Variants in GRID2 observed in about 807,000 individuals in gnomAD.
The protein encoded by GRID2 is glutamate ionotropic receptor delta type subunit 2.
GRID2 carries 33 observed loss-of-function variants against 114.8 expected under a neutral mutation model. That is an observed-to-expected ratio of 0.29 (90% CI 0.22 to 0.38). GRID2 has a LOEUF of 0.38. Among genes scored for constraint, GRID2 ranks in the 10% least tolerant of loss-of-function variants. The pLI is 1.00. For synonymous variants in GRID2, 505 were observed against 449.9 expected, an observed-to-expected ratio of 1.12 and a Z score of -1.55; for missense variants, 1,184 against 1,257.7, an observed-to-expected ratio of 0.94 and a Z score of 0.89.
chr4:92,952,388 A>T (rs1173268652), intron 2 of GRID2, among the ~76,000 whole-genome samples: 1 of 152,194 alleles, frequency 6.6e-6, no homozygotes, highest in Non-Finnish European at 1.5e-5. Flanking sequence ...TCTCTATGAG[A>T]TTGCTTTATT....
At chr4:93,083,055 T>C (rs1425636389) in intron 2 of GRID2, among the ~76,000 whole-genome samples, 1 of 152,176 alleles carries the variant, frequency 6.6e-6, no homozygotes, top group African/African-American at 2.4e-5. Flanking sequence ...AATTTTGTGG[T>C]AGAAGTATGT....
At chr4:93,226,331 T>C (rs1404129141) in intron 7 of GRID2, among the ~76,000 whole-genome samples, 1 of 152,176 alleles carries the variant, frequency 6.6e-6, no homozygotes, top group East Asian at 1.9e-4. Flanking sequence ...TCAAAACTGA[T>C]TATCTACTTC....
At chr4:92,683,038 A>T (rs140547632) in intron 2 of GRID2, among the ~76,000 whole-genome samples, 5 of 152,022 alleles carry the variant, frequency 3.3e-5, no homozygotes, top group East Asian at 3.9e-4. Flanking sequence ...GGTGGCTCAC[A>T]CCTGTAATCC....
chr4:93,268,632 C>T (rs547371339), intron 8 of GRID2, among the ~76,000 whole-genome samples: 41 of 152,212 alleles, frequency 2.7e-4, no homozygotes, highest in Non-Finnish European at 5.4e-4. Flanking sequence ...TGTCTGCCAC[C>T]TCTTACATGT....
intron 2 of GRID2, among the ~76,000 whole-genome samples, chr4:92,730,224 A>G (rs1224100221): frequency 1.3e-5 from 2 of 151,944 alleles, no homozygotes; most frequent in East Asian, 3.9e-4. Context: ...ATAATACCCC[A>G]TATTGTCTAT....
At chr4:93,436,702 A>C (rs1580079833) in intron 10 of GRID2, among the ~76,000 whole-genome samples, 2 of 152,162 alleles carry the variant, frequency 1.3e-5, no homozygotes, top group Non-Finnish European at 2.9e-5. Context: ...ACTACAAACA[A>C]AATGCTAGAA....
intron 13 of GRID2, among the ~76,000 whole-genome samples, chr4:93,572,440 C>G (rs2149581751): frequency 6.6e-6 from 1 of 152,102 alleles, no homozygotes; most frequent in South Asian, 2.1e-4. Context: ...TCTTTTTAGA[C>G]ACATATATAA....
chr4:92,573,341 T>G lies in GRID2; in HGVS notation c.89-16790T>G, dbSNP rs572779744. On this transcript the variant is annotated intron_variant, in intron 1 of 15. Coordinates refer to ENST00000282020, the MANE Select transcript of GRID2 (RefSeq NM_001510.4). ...GTTCTGCTCTGATCTTGATTATTTC[T>G]TATCTTCTGCTAGCATTGGGGTTTG... Among the ~76,000 whole-genome samples the G allele has an allele frequency of 3.3e-5, 5 of 152,348 alleles. No individual in the cohort carries two copies. In the East Asian group the frequency reaches 9.6e-4, roughly 29 times the overall value.
intron 2 of GRID2, among the ~76,000 whole-genome samples, chr4:92,952,297 T>C (rs970595161): frequency 2.6e-5 from 4 of 152,224 alleles, no homozygotes; most frequent in African/African-American, 9.6e-5. Flanking sequence ...TTCTTTGAAC[T>C]GTTTACATAT....
chr4:92,692,894 A>T (rs1734242580), intron 2 of GRID2, among the ~76,000 whole-genome samples: 1 of 151,870 alleles, frequency 6.6e-6, no homozygotes, highest in African/African-American at 2.4e-5. Context: ...ATGGTGGTGC[A>T]TGCCTGTAAT....
intron 2 of GRID2, among the ~76,000 whole-genome samples, chr4:92,745,151 G>T (rs560913690): frequency 1.3e-5 from 2 of 152,248 alleles, no homozygotes; most frequent in South Asian, 4.1e-4. Context: ...AAATGTCCTA[G>T]TCTGACAGCA....
At chr4:93,398,985 GCTT>G (rs959136653) in intron 9 of GRID2, among the ~76,000 whole-genome samples, 5 of 151,720 alleles carry the variant, frequency 3.3e-5, no homozygotes, top group Non-Finnish European at 7.4e-5. Flanking sequence ...GGCCTTGCAA[GCTT>G]CTTCTACTCA....
intron 8 of GRID2, among the ~76,000 whole-genome samples, chr4:93,257,213 A>G (rs1424099038): frequency 6.6e-6 from 1 of 151,860 alleles, no homozygotes; most frequent in East Asian, 1.9e-4. Context: ...TCAGCAATAG[A>G]AATTGCCTGC....
At chr4:92,512,518 G>A (rs1190616524) in intron 1 of GRID2, among the ~76,000 whole-genome samples, 1 of 151,842 alleles carries the variant, frequency 6.6e-6, no homozygotes, top group Non-Finnish European at 1.5e-5. Context: ...AATAGCTCCA[G>A]ATATCATTTA....
chr4:93,722,143 C>A (rs1250457606), intron 14 of GRID2, among the ~76,000 whole-genome samples: 1 of 152,012 alleles, frequency 6.6e-6, no homozygotes, highest in Admixed American at 6.6e-5. Context: ...TGGTTTCAAA[C>A]TCCTGAAAGT....
At chr4:93,780,970 G>C (rs913113745) in intron 1 of GRID2, among the ~76,000 whole-genome samples, 1 of 152,192 alleles carries the variant, frequency 6.6e-6, no homozygotes, top group Non-Finnish European at 1.5e-5. Flanking sequence ...GCGTAGATAG[G>C]TATTGAAGGA....
chr4:92,931,758 C>A (rs1750257415), intron 2 of GRID2, among the ~76,000 whole-genome samples: 1 of 150,486 alleles, frequency 6.6e-6, no homozygotes, highest in South Asian at 2.1e-4. Flanking sequence ...GTAATAAAGT[C>A]ATGTGTTATT....
At chr4:93,041,763 C>A (rs1725536497) in intron 2 of GRID2, among the ~76,000 whole-genome samples, 1 of 151,992 alleles carries the variant, frequency 6.6e-6, no homozygotes, top group African/African-American at 2.4e-5. Flanking sequence ...GTTAATATTT[C>A]TATTATGAAA....
intron 2 of GRID2, among the ~76,000 whole-genome samples, chr4:92,670,673 T>C (rs62310173): frequency 0.061 from 9,263 of 152,172 alleles, 341 homozygotes; most frequent in East Asian, 0.16. Flanking sequence ...ATATGTAACA[T>C]ATGTAGAGCT....
Sources: allele counts gnomAD v4.1 joint callset (sites outside exome capture counted in the v4.1 genomes callset), GRCh38; gene constraint gnomAD v4.1.1; transcripts MANE v1.5; gene names NCBI Gene and HGNC (gene_info 2026-07-23, HGNC 2026-07-21).